Variants in KIF15 observed in about 807,000 individuals in gnomAD.
KIF15 encodes kinesin family member 15, also known as kinesin-like protein KIF15.
In KIF15, 140 loss-of-function variants were observed where a neutral mutation model predicts 190.6. That is an observed-to-expected ratio of 0.73 (90% CI 0.64 to 0.84). The LOEUF (loss-of-function observed/expected upper bound fraction) is 0.84. Ranked by LOEUF, KIF15 falls within the 40% of genes least tolerant of loss-of-function variation. The probability of loss-of-function intolerance (pLI) is 0.00; values close to 1 mark genes in which losing one functional copy is unlikely to be tolerated. For missense variants in KIF15, 1,372 were observed against 1,584.4 expected (o/e 0.87, Z 2.28); for synonymous variants, 528 against 551.3 (o/e 0.96, Z 0.59).
chr3:44,829,658 T>TTATGTATATATAATA (rs1245967994), intron 24 of KIF15, among the ~76,000 whole-genome samples: 1 of 113,562 alleles, frequency 8.8e-6, no homozygotes, highest in African/African-American at 3.6e-5. Flanking sequence ...TATGTATATA[T>TTATGTATATATAATA]TATGTATATA....
chr3:44,835,395 A>G (rs1260373368), intron 26 of KIF15, among the ~76,000 whole-genome samples: 1 of 152,004 alleles, frequency 6.6e-6, no homozygotes, highest in Non-Finnish European at 1.5e-5. Context: ...GTGCAGCACC[A>G]CGCCTGGCTA....
At chr3:44,852,589 C>A in intron 34 of KIF15, 84 bp from the exon 35 acceptor site, 1 of 998,888 alleles carries the variant, frequency 1.0e-6, no homozygotes, top group Non-Finnish European at 1.5e-6. Context: ...TTGAAATATA[C>A]ACCTAATAAA....
At chr3:44,800,654 T>G (rs527668183) in intron 11 of KIF15, among the ~76,000 whole-genome samples, 1 of 152,230 alleles carries the variant, frequency 6.6e-6, no homozygotes, top group Non-Finnish European at 1.5e-5. Flanking sequence ...TTTTGAATAA[T>G]GTATAAGTGC....
At chr3:44,813,944 T>C (rs1310154440) in intron 19 of KIF15, among the ~76,000 whole-genome samples, 1 of 152,216 alleles carries the variant, frequency 6.6e-6, no homozygotes, top group Non-Finnish European at 1.5e-5. Context: ...TAAGCTGCTT[T>C]GAAAATGAAG....
In KIF15 at chr3:44,810,854, T is replaced by C; in HGVS notation, c.1980T>C (p.Thr660=). Residue 660 remains threonine (T), a synonymous_variant, in exon 17 of 35, where the codon ACT becomes ACC. Transcript: ENST00000326047. ...ATCATTTTTTGCTGCAGATTATAACTACACCAACCAAGGCCTACCAACTTC... is the reference window on the plus strand; with the variant it reads ...ATCATTTTTTGCTGCAGATTATAACCACACCAACCAAGGCCTACCAACTTC... ...KIHAETLKII[T]TPTKAYQLHS... is the part of the protein sequence containing the mutation. The C allele has an allele frequency of 6.2e-7, 1 of 1,610,506 alleles. No individual in the cohort carries two copies.
intron 20 of KIF15, among the ~76,000 whole-genome samples, chr3:44,825,685 G>T (rs1187902942): frequency 6.6e-6 from 1 of 152,198 alleles, no homozygotes; most frequent in African/African-American, 2.4e-5. Flanking sequence ...CCAGTGCCTG[G>T]CTTACGTGAG....
At chr3:44,797,295 C>G (rs1707035119) in intron 8 of KIF15, among the ~76,000 whole-genome samples, 3 of 152,196 alleles carry the variant, frequency 2.0e-5, no homozygotes, top group Non-Finnish European at 4.4e-5. Context: ...TCCCAAAGTG[C>G]TGGGATGACT....
At chr3:44,837,301 C>T (rs1479613462) in intron 26 of KIF15, among the ~76,000 whole-genome samples, 1 of 152,164 alleles carries the variant, frequency 6.6e-6, no homozygotes, top group Non-Finnish European at 1.5e-5. Context: ...TCTGGTAATA[C>T]ATAGCCTTAT....
Position 44,775,432 on chromosome 3 carries a change from A to G in KIF15, c.241A>G (p.Thr81Ala). ...TGATCATGTTGCAGATGTGGATACC[A>G]CTCAGGTAATGATAATTAGAAACTT... is the stretch of plus-strand genomic sequence containing the variant. ...TFDHVADVDT[T>A]QESVFATVAK... The change falls in exon 3 of 35, where the codon ACT (threonine) becomes GCT (alanine). Residue 81 changes from threonine to alanine, a missense_variant. Thr to Ala is a moderately conservative substitution (Grantham distance 58). Coordinates refer to ENST00000326047, the MANE Select transcript of KIF15 (RefSeq NM_020242.3). 1 of 1,589,450 alleles carries G rather than the reference A, an allele frequency of 6.3e-7. No homozygotes were observed. The highest frequency in any genetic ancestry group is 8.5e-7 in the Non-Finnish European group (1 of 1,171,134).
At chr3:44,837,838 C>T (rs1698402416) in intron 26 of KIF15, among the ~76,000 whole-genome samples, 1 of 152,174 alleles carries the variant, frequency 6.6e-6, no homozygotes, top group Non-Finnish European at 1.5e-5. Context: ...CAATCTGGTG[C>T]AAACTGCCCA....
At chr3:44,843,335 A>G (rs1698698978) in intron 30 of KIF15, 101 bp downstream of exon 30, 4 of 714,162 alleles carry the variant, frequency 5.6e-6, no homozygotes, top group Admixed American at 2.8e-5. Flanking sequence ...AAGGTGTACA[A>G]TGTTTCCCAC....
At position 44,780,899 on chromosome 3, in the gene KIF15, C is replaced by A; in HGVS notation, c.338C>A (p.Ser113Ter). The change falls in exon 5 of 35, where the codon TCA becomes TAA. Residue 113 changes from serine (S) to a stop codon, truncating the protein, a stop_gained. Transcript: ENST00000326047. LOFTEE classifies it high-confidence loss of function. ...GTIFAYGQTG[S>*]GKTFTMMGPS... ...ATTTTTTACAGTGGACAGACTGGCT[C>A]AGGGAAGACATTTACTATGATGGGT... 1 of 1,601,798 alleles carries A rather than the reference C, an allele frequency of 6.2e-7. No individual in the cohort carries two copies. The highest frequency in any genetic ancestry group is 1.1e-5 in the South Asian group (1 of 89,618).
chr3:44,790,585 A>G (rs983883967), intron 7 of KIF15, among the ~76,000 whole-genome samples: 1 of 151,870 alleles, frequency 6.6e-6, no homozygotes, highest in East Asian at 1.9e-4. Context: ...GTACTTTCCT[A>G]TCAACACATT....
chr3:44,867,927 C>T (rs939673341), intron 6 of KIF15, among the ~76,000 whole-genome samples: 2 of 152,088 alleles, frequency 1.3e-5, no homozygotes, highest in African/African-American at 4.8e-5. Flanking sequence ...AATTTGACAT[C>T]CAGGTTCAAA....
chr3:44,813,372 A>C, intron 19 of KIF15, 192 bp downstream of exon 19: 1 of 428,948 alleles, frequency 2.3e-6, no homozygotes, highest in Non-Finnish European at 4.1e-6. Flanking sequence ...AAATTTCTCT[A>C]TCATTGCCCA....
intron 29 of KIF15, among the ~76,000 whole-genome samples, chr3:44,842,087 T>C (rs1215537589): frequency 6.6e-6 from 1 of 152,232 alleles, no homozygotes; most frequent in Non-Finnish European, 1.5e-5. Flanking sequence ...TTTATATTTT[T>C]CTTAAGAGTA....
intron 30 of KIF15, 121 bp from the exon 31 acceptor site, chr3:44,847,864 T>A: frequency 1.5e-6 from 1 of 683,762 alleles, no homozygotes; most frequent in African/African-American, 1.8e-5. Flanking sequence ...CACAATAGAG[T>A]TAGCCTTTCT....
rs191283161 is a variant in KIF15 at position 44,864,168 on chromosome 3, C to T, written c.*60-9161C>T. ...TCTGCAGGTTGCTGCCCAGGGTGGA[C>T]GTGGCTGCAGTGACACTTTCTCCTG... On this transcript the variant is annotated intron_variant and NMD_transcript_variant, in intron 6 of 6. Transcript: ENST00000422209. 1.2e-3 allele frequency: 1,957 copies of T among 1,612,358 alleles called. 4 individuals carry two copies. The highest frequency in any genetic ancestry group is 1.2e-3 in the Non-Finnish European group (1,405 of 1,179,560).
At chr3:44,848,250 C>T (rs72875771) in intron 31 of KIF15, among the ~76,000 whole-genome samples, 193 bp downstream of exon 31, 1,771 of 152,350 alleles carry the variant, frequency 0.012, 32 homozygotes, top group African/African-American at 0.039. Flanking sequence ...TTCATGCCTA[C>T]ATGGCAAGCC....
Sources: gnomAD v4.1 joint callset for allele counts (sites outside exome capture counted in the v4.1 genomes callset) on GRCh38, gnomAD v4.1.1 for gene constraint, MANE v1.5 for transcripts, NCBI Gene and HGNC (gene_info 2026-07-23, HGNC 2026-07-21) for gene names.